Variants in SLFN13 observed in about 807,000 individuals in gnomAD.
The protein encoded by SLFN13 is schlafen family member 13.
SLFN13 carries 43 observed loss-of-function variants against 50.6 expected under a neutral mutation model. The observed-to-expected ratio is 0.85, with a 90% CI of 0.67 to 1.09. SLFN13 has a LOEUF of 1.09. Ranked by LOEUF, SLFN13 falls within the 50% of genes least tolerant of loss-of-function variation. SLFN13 has a pLI of 0.00. For synonymous variants in SLFN13, 339 were observed against 386.5 expected (o/e 0.88, Z 1.44); for missense variants, 881 against 1,071.1 (o/e 0.82, Z 2.48).
chr17:35,441,252 G>A lies in SLFN13; in HGVS notation c.2037C>T (p.Asp679=). Residue 679 remains aspartate, a synonymous_variant, in exon 6 of 6, where the codon GAC becomes GAT. Coordinates refer to ENST00000285013, the MANE Select transcript of SLFN13 (RefSeq NM_144682.6). ...EAQNFRTEDG[D]WYRKAKTITQ... is the part of the protein sequence containing the mutation. ...TGATGGTTTTTGCCTTCCTATACCA[G>A]TCCCCATCTTCAGTACGGAAATTCT... The A allele has an allele frequency of 6.2e-7, 1 of 1,614,030 alleles. No individual in the cohort carries two copies. Among genetic ancestry groups the A allele is most frequent in the South Asian group, 1.1e-5 (1 of 91,084 alleles).
rs1383922427 is a variant in SLFN13 at position 35,436,520 on chromosome 17, G to A, written c.*4075C>T. On this transcript the variant is annotated 3_prime_UTR_variant, in exon 6 of 6. Coordinates refer to ENST00000285013, the MANE Select transcript of SLFN13 (RefSeq NM_144682.6). ...ACACACACTTTATTAATTACAAAAA[G>A]CAAATTGTAACTGCACAGTAGGGAA... 6.6e-6 allele frequency: 1 copy of A among 151,446 alleles called. No homozygotes were observed. Among genetic ancestry groups the A allele is most frequent in the Non-Finnish European group, 1.5e-5 (1 of 67,918 alleles). 9.4% of individuals were successfully genotyped at this position (151,446 alleles called of 1,614,324 possible).
upstream of SLFN13, chr17:35,448,874 G>C (rs1260798934): frequency 6.6e-6 from 1 of 152,354 alleles, no homozygotes; most frequent in Non-Finnish European, 1.5e-5. Flanking sequence ...GCATGGACGC[G>C]CCAATGGGAG....
intron 2 of SLFN13, chr17:35,445,918 C>A: frequency 2.3e-6 from 1 of 438,064 alleles, no homozygotes; most frequent in Non-Finnish European, 4.0e-6. Flanking sequence ...AGGGAAAACA[C>A]ATTGAATAGG....
At position 35,437,317 on chromosome 17, in the gene SLFN13, G is replaced by A. The variant is rs1404717238; in HGVS notation, c.*3278C>T. On this transcript the variant is annotated 3_prime_UTR_variant, in exon 6 of 6. Coordinates refer to ENST00000285013, the MANE Select transcript of SLFN13 (RefSeq NM_144682.6). Reference sequence around the variant, plus strand: ...AGCGATCCTCTCGCCTCGGCCTCTGGAATAGCTAGGACTGCAGGAGCACAC... The same window carrying A: ...AGCGATCCTCTCGCCTCGGCCTCTGAAATAGCTAGGACTGCAGGAGCACAC... The A allele has an allele frequency of 1.3e-5, 2 of 151,992 alleles. No homozygotes were observed. The allele number at this position is 151,992 out of a possible 1,614,324, so 9.4% of individuals were successfully genotyped here.
Position 35,442,264 on chromosome 17 carries a change from A to C in SLFN13, c.1221T>G (p.Cys407Trp), listed in dbSNP as rs1390301691. The C allele has an allele frequency of 8.8e-6, 14 of 1,599,106 alleles. No individual in the cohort carries two copies. The highest frequency in any genetic ancestry group is 1.3e-5 in the African/African-American group (1 of 74,612). ...LFPVPPGHLE[C>W]TPESLWKELS... ...GCTCCTTCCAGAGGGACTCTGGAGT[A>C]CATTCCAAATGTCCTGGTGGAACTA... The change falls in exon 5 of 6, where the codon TGT becomes TGG. Residue 407 changes from cysteine to tryptophan, a missense_variant. Physicochemically the swap from Cys to Trp is radical, Grantham distance 215. Around this residue, in one of 5 missense-constraint regions of SLFN13, gnomAD observed 497 missense variants for 518.3 expected, o/e 0.96. Transcript: ENST00000285013.
Position 35,443,463 on chromosome 17 carries a change from C to T in SLFN13, c.1198+326G>A, listed in dbSNP as rs575831963. 1.2e-4 allele frequency among the ~76,000 whole-genome samples: 19 copies of T among 152,298 alleles called. No homozygotes were observed. In the South Asian group the frequency reaches 3.7e-3, roughly 30 times the overall value. Reference sequence around the variant, plus strand: ...CTAGATCACTGGTTTCCAAACCCAGCAGGGCATCAGAATAATTTGGGAAGC... The same window carrying T: ...CTAGATCACTGGTTTCCAAACCCAGTAGGGCATCAGAATAATTTGGGAAGC... On this transcript the variant is annotated intron_variant, in intron 4 of 5. Coordinates refer to ENST00000285013, the MANE Select transcript of SLFN13 (RefSeq NM_144682.6).
At position 35,440,788 on chromosome 17, in the gene SLFN13, A is replaced by G; in HGVS notation, c.2501T>C (p.Met834Thr). The G allele has an allele frequency of 4.3e-6, 7 of 1,613,724 alleles. No individual in the cohort carries two copies. The highest frequency in any genetic ancestry group is 4.2e-6 in the Non-Finnish European group (5 of 1,179,950). ...ACATGCATCACTGAGCTGCACCACC[A>G]TTTTCTTCCTCATTGCTTTCAAGAG... The part of the protein sequence containing the change: ...SKLLKAMRKK[M>T]VVQLSDACDM... Residue 834 changes from methionine (M) to threonine (T), a missense_variant, in exon 6 of 6, where the codon ATG (methionine) becomes ACG (threonine). Coordinates refer to ENST00000285013, the MANE Select transcript of SLFN13 (RefSeq NM_144682.6).
intron 2 of SLFN13, 25 bp from the exon 3 acceptor site, chr17:35,445,718 C>A (rs1371807382): frequency 6.0e-6 from 9 of 1,502,456 alleles, no homozygotes; most frequent in Non-Finnish European, 8.0e-6. Flanking sequence ...ATATTTGTTT[C>A]ATTTTTGATT....
Position 35,440,102 on chromosome 17 carries a change from A to G in SLFN13, c.*493T>C, listed in dbSNP as rs1158996427. On this transcript the variant is annotated 3_prime_UTR_variant, in exon 6 of 6. Coordinates refer to ENST00000285013, the MANE Select transcript of SLFN13 (RefSeq NM_144682.6). ...CTCCCAAGCCCTAAATGAATACAGC[A>G]AAGATAAATTCAGGAAACAACTGCT... The G allele has an allele frequency of 6.4e-6, 1 of 156,662 alleles. No homozygotes were observed. The highest frequency in any genetic ancestry group is 1.9e-4 in the East Asian group (1 of 5,304). The allele number at this position is 156,662 out of a possible 1,614,324, so 9.7% of individuals were successfully genotyped here. A position where few individuals can be genotyped will look rare whatever the true frequency, so the allele number is the denominator to read the frequency against.
rs111617228 is a variant in SLFN13 at position 35,440,590 on chromosome 17, T to A, written c.*5A>T. 25 of 1,613,504 alleles carry A rather than the reference T, an allele frequency of 1.5e-5. No individual in the cohort carries two copies. In the African/African-American group the frequency reaches 2.0e-4, roughly 13 times the overall value. On this transcript the variant is annotated 3_prime_UTR_variant, in exon 6 of 6. Transcript: ENST00000285013. Reference sequence around the variant, plus strand: ...TTTGGTTTGGAGTTCTTCCTAATAGTCACTTCACAGAAAAATATATAGGTG... The same window carrying A: ...TTTGGTTTGGAGTTCTTCCTAATAGACACTTCACAGAAAAATATATAGGTG...
rs1912700951 is a variant in SLFN13, at chr17:35,438,463, G to C, written c.*2132C>G. 1 of 152,084 alleles carries C rather than the reference G, an allele frequency of 6.6e-6. No homozygotes were observed. Among genetic ancestry groups the C allele is most frequent in the Non-Finnish European group, 1.5e-5 (1 of 68,028 alleles). 9.4% of individuals were successfully genotyped at this position (152,084 alleles called of 1,614,324 possible). ...TCATATAGAGAGATTCAACCAGTCA[G>C]AATTAGACTTTTAAAGAATTACTCT... On this transcript the variant is annotated 3_prime_UTR_variant, in exon 6 of 6. Coordinates refer to ENST00000285013, the MANE Select transcript of SLFN13 (RefSeq NM_144682.6).
Position 35,439,759 on chromosome 17 carries a change from G to A in SLFN13, c.*836C>T, listed in dbSNP as rs1360463242. 1.3e-5 allele frequency: 2 copies of A among 152,100 alleles called. No individual in the cohort carries two copies. The highest frequency in any genetic ancestry group is 2.9e-5 in the Non-Finnish European group (2 of 68,044). The allele number at this position is 152,100 out of a possible 1,614,324, so 9.4% of individuals were successfully genotyped here. ...CCCAAACAGCTGGGATTACAGGTGTGAGCCACCGTGCCTGGCCAACGCTCA... is the reference window on the plus strand; with the variant it reads ...CCCAAACAGCTGGGATTACAGGTGTAAGCCACCGTGCCTGGCCAACGCTCA... On this transcript the variant is annotated 3_prime_UTR_variant, in exon 6 of 6. Coordinates refer to ENST00000285013, the MANE Select transcript of SLFN13 (RefSeq NM_144682.6).
intron 4 of SLFN13, among the ~76,000 whole-genome samples, chr17:35,442,855 C>A (rs1220961533): frequency 6.6e-6 from 1 of 152,106 alleles, no homozygotes; most frequent in Non-Finnish European, 1.5e-5. Flanking sequence ...ATTTACTGAG[C>A]CTGAGAAAGT....
Position 35,445,139 on chromosome 17 carries a change from T to G in SLFN13, c.542A>C (p.Gln181Pro). ...PPSKIMKAVY[Q>P]NISESNPAYE... ...TGCAGGATTTGACTCAGATATGTTC[T>G]GGTATACAGCTTTCATAATTTTACT... The change falls in exon 3 of 6, where the codon CAG becomes CCG. Residue 181 changes from glutamine (Q) to proline (P), a missense_variant. By Grantham distance (76) the Gln-to-Pro change is moderately conservative. Around this residue, in one of 5 missense-constraint regions of SLFN13, gnomAD observed 497 missense variants for 518.3 expected, o/e 0.96. Transcript: ENST00000285013. 6.2e-7 allele frequency: 1 copy of G among 1,613,286 alleles called. No homozygotes were observed. The highest frequency in any genetic ancestry group is 8.5e-7 in the Non-Finnish European group (1 of 1,180,024).
intron 1 of SLFN13, among the ~76,000 whole-genome samples, chr17:35,447,867 G>GTTGTT (rs71152714): frequency 0.27 from 40,278 of 150,124 alleles, 5,673 homozygotes; most frequent in South Asian, 0.5. Flanking sequence ...ATTCTGTTTT[G>GTTGTT]TTGTTTTGTT....
Position 35,438,094 on chromosome 17 carries a change from G to T in SLFN13, c.*2501C>A, listed in dbSNP as rs1304939161. The T allele has an allele frequency of 4.3e-5, 6 of 139,216 alleles. No individual in the cohort carries two copies. The highest frequency in any genetic ancestry group is 1.5e-5 in the Non-Finnish European group (1 of 65,744). 8.6% of individuals were successfully genotyped at this position (139,216 alleles called of 1,614,324 possible). On this transcript the variant is annotated 3_prime_UTR_variant, in exon 6 of 6. Coordinates refer to ENST00000285013, the MANE Select transcript of SLFN13 (RefSeq NM_144682.6). Reference sequence around the variant, plus strand: ...CCCTCCAGCCTGGGAAACACAGTGAGACCTTTTCTCTTTAAAAAAAAAAAA... The same window carrying T: ...CCCTCCAGCCTGGGAAACACAGTGATACCTTTTCTCTTTAAAAAAAAAAAA...
Position 35,445,506 on chromosome 17 carries a change from C to T in SLFN13, c.175G>A (p.Gly59Arg), listed in dbSNP as rs1346448165. ...TTGGCCATTTCCATCTGAATCACTCCTCCTCCTGAGTTTAATAAAGCACAC... is the reference window on the plus strand; with the variant it reads ...TTGGCCATTTCCATCTGAATCACTCTTCCTCCTGAGTTTAATAAAGCACAC... ...AACALLNSGG[G>R]VIQMEMANRD... Residue 59 changes from glycine (G) to arginine (R), a missense_variant, in exon 3 of 6, where the codon GGA becomes AGA. Gly to Arg is a moderately radical substitution (Grantham distance 125). This residue lies in a region of SLFN13 where 497 missense variants were observed against 518.3 expected (regional missense o/e 0.96). Coordinates refer to ENST00000285013, the MANE Select transcript of SLFN13 (RefSeq NM_144682.6). 2 of 1,614,180 alleles carry T rather than the reference C, an allele frequency of 1.2e-6. No homozygotes were observed. Among genetic ancestry groups the T allele is most frequent in the South Asian group, 1.1e-5 (1 of 91,084 alleles).
At chr17:35,449,203 G>A (rs1913381553), upstream of SLFN13, among the ~76,000 whole-genome samples, 1 of 150,976 alleles carries the variant, frequency 6.6e-6, no homozygotes, top group African/African-American at 2.4e-5. Context: ...TCGCACCACT[G>A]CACTCCAGCT....
At position 35,444,700 on chromosome 17, in the gene SLFN13, A is replaced by G. The variant is rs1389466304; in HGVS notation, c.981T>C (p.Ala327=). 2.2e-5 allele frequency: 36 copies of G among 1,614,182 alleles called. No homozygotes were observed. Among genetic ancestry groups the G allele is most frequent in the Non-Finnish European group, 2.9e-5 (34 of 1,180,042 alleles). Residue 327 remains alanine (A), a synonymous_variant, in exon 3 of 6, where the codon GCT becomes GCC. Transcript: ENST00000285013. The part of the protein sequence containing the change: ...KAFCCVVFSE[A]PKSWMVREKY... ...TCTCCCTCACCATCCATGACTTGGG[A>G]GCTTCCGAGAACACCACACAACAGA...
Sources: gnomAD v4.1 joint callset for allele counts (sites outside exome capture counted in the v4.1 genomes callset) on GRCh38, gnomAD v4.1.1 for gene constraint, gnomAD v4.1.1 regional missense constraint, MANE v1.5 for transcripts, NCBI Gene and HGNC (gene_info 2026-07-23, HGNC 2026-07-21) for gene names.